RALGAPA1: variants seen among roughly 807,000 people sequenced by gnomAD.
RALGAPA1 encodes ral GTPase-activating protein subunit alpha-1.
RALGAPA1 carries 52 observed loss-of-function variants against 269.6 expected under a neutral mutation model. The ratio of observed to expected loss-of-function variants is 0.19; its 90% CI spans 0.15 to 0.24. The LOEUF (loss-of-function observed/expected upper bound fraction) is 0.24, where lower values mean the gene tolerates loss of function less well. RALGAPA1 is among the 10% of genes least tolerant of loss of function. The pLI, the probability that RALGAPA1 is intolerant of heterozygous loss-of-function variation, is 1.00. For missense variants in RALGAPA1, 1,917 were observed against 3,013.9 expected (o/e 0.64, Z 8.52); for synonymous variants, 817 against 1,008.3 (o/e 0.81, Z 3.60).
In RALGAPA1 at chr14:35,569,865, G is replaced by C. The variant is rs777797071; in HGVS notation, c.7496+752C>G. The stretch of plus-strand genomic sequence containing the variant: ...TGAATACAGTATGTTTCCCCAACTA[G>C]ATTGAATTATTTGCAATGACTATTT... On this transcript the variant is annotated intron_variant, in intron 39 of 41. Transcript: ENST00000680220. Among the ~76,000 whole-genome samples the C allele has an allele frequency of 1.5e-4, 23 of 152,078 alleles. 1 individual carries two copies. The highest frequency in any genetic ancestry group is 2.9e-4 in the Non-Finnish European group (20 of 68,016).
chr14:35,762,198 A>G (rs757423533), intron 5 of RALGAPA1, among the ~76,000 whole-genome samples: 3 of 151,958 alleles, frequency 2.0e-5, no homozygotes, highest in Admixed American at 1.3e-4. Flanking sequence ...AGTTTTTTCA[A>G]TGTCCCCAGT....
chr14:35,672,761 G>A lies in RALGAPA1; in HGVS notation c.5073+106C>T, dbSNP rs574073107. The A allele has an allele frequency of 1.3e-4, 137 of 1,047,496 alleles. No individual in the cohort carries two copies. The African/African-American group carries it at 2.1e-3, about 16-fold the overall frequency. 64.9% of individuals were successfully genotyped at this position (1,047,496 alleles called of 1,614,324 possible). On this transcript the variant is annotated intron_variant, in intron 25 of 41. Coordinates refer to ENST00000680220, the MANE Select transcript of RALGAPA1 (RefSeq NM_001346249.2). Reference sequence around the variant, plus strand: ...TGTATATAAATCACTAAATAAGGGGGAGAGTTTAACTTCTAGACCTTAAAA... The same window carrying A: ...TGTATATAAATCACTAAATAAGGGGAAGAGTTTAACTTCTAGACCTTAAAA...
At chr14:35,570,202 G>A (rs1282702615) in intron 39 of RALGAPA1, among the ~76,000 whole-genome samples, 2 of 151,760 alleles carry the variant, frequency 1.3e-5, no homozygotes, top group East Asian at 1.9e-4. Flanking sequence ...CCCCAGAGTC[G>A]GAGGTTGCAG....
intron 1 of RALGAPA1, among the ~76,000 whole-genome samples, chr14:35,793,687 CTGAAAGCT>C (rs974376767): frequency 3.3e-5 from 5 of 152,268 alleles, no homozygotes; most frequent in African/African-American, 1.2e-4. Flanking sequence ...TTCTAAGATA[CTGAAAGCT>C]TGTAACCCAA....
chr14:35,624,626 G>A (rs2060876453), intron 35 of RALGAPA1, among the ~76,000 whole-genome samples: 1 of 152,088 alleles, frequency 6.6e-6, no homozygotes, highest in African/African-American at 2.4e-5. Flanking sequence ...CAAACTGAAG[G>A]TGAGCAAGAA....
intron 4 of RALGAPA1, among the ~76,000 whole-genome samples, chr14:35,770,022 G>A (rs2074496351): frequency 6.6e-6 from 1 of 152,050 alleles, no homozygotes; most frequent in African/African-American, 2.4e-5. Context: ...AAACAGAGAG[G>A]CAAACTGAAG....
chr14:35,601,511 T>C (rs1201876197), intron 36 of RALGAPA1, among the ~76,000 whole-genome samples: 1 of 152,154 alleles, frequency 6.6e-6, no homozygotes, highest in Non-Finnish European at 1.5e-5. Flanking sequence ...AGTGCAGTTA[T>C]TATCTAAATG....
At position 35,673,032 on chromosome 14, in the gene RALGAPA1, A is replaced by G. The variant is rs769519074; in HGVS notation, c.4918-10T>C. 2.1e-6 allele frequency: 3 copies of G among 1,450,808 alleles called. No homozygotes were observed. The highest frequency in any genetic ancestry group is 2.7e-6 in the Non-Finnish European group (3 of 1,095,038). 89.9% of individuals were successfully genotyped at this position (1,450,808 alleles called of 1,614,324 possible). A position where few individuals can be genotyped will look rare whatever the true frequency, so the allele number is the denominator to read the frequency against. On this transcript the variant is annotated splice_polypyrimidine_tract_variant and intron_variant, in intron 24 of 41. Transcript: ENST00000680220. Reference sequence around the variant, plus strand: ...CAGTCAACATGGTTGCCTAAAATTAAAAGATCAGTTTTAATGTTCAAAAAG... The same window carrying G: ...CAGTCAACATGGTTGCCTAAAATTAGAAGATCAGTTTTAATGTTCAAAAAG...
intron 19 of RALGAPA1, among the ~76,000 whole-genome samples, chr14:35,685,496 C>G (rs2065843413): frequency 1.3e-5 from 2 of 151,710 alleles, no homozygotes; most frequent in South Asian, 4.2e-4. Context: ...GCAAAGATGT[C>G]ATTCAATGAT....
intron 16 of RALGAPA1, among the ~76,000 whole-genome samples, chr14:35,710,826 A>G (rs908907454): frequency 6.6e-6 from 1 of 152,176 alleles, no homozygotes; most frequent in Non-Finnish European, 1.5e-5. Flanking sequence ...CCATTGTATT[A>G]TAATTGCCTA....
intron 39 of RALGAPA1, among the ~76,000 whole-genome samples, chr14:35,550,400 T>C (rs573488589): frequency 1.3e-5 from 2 of 152,272 alleles, no homozygotes; most frequent in South Asian, 2.1e-4. Context: ...ACTGAATTTT[T>C]CCCCAAAGTC....
chr14:35,723,375 G>T (rs954928503), intron 14 of RALGAPA1, 111 bp from the exon 15 acceptor site: 2 of 599,002 alleles, frequency 3.3e-6, no homozygotes, highest in African/African-American at 3.8e-5. Context: ...ATTTAAAATC[G>T]CATGCTTTTT....
chr14:35,758,159 C>T (rs1469653301), intron 6 of RALGAPA1, among the ~76,000 whole-genome samples: 3 of 144,148 alleles, frequency 2.1e-5, no homozygotes, highest in African/African-American at 2.6e-5. Flanking sequence ...GCACGAGAAT[C>T]GCTTGAACTG....
intron 31 of RALGAPA1, among the ~76,000 whole-genome samples, chr14:35,643,883 C>T (rs1339191042): frequency 6.6e-6 from 1 of 152,014 alleles, no homozygotes; most frequent in East Asian, 1.9e-4. Context: ...TTACCAGAGA[C>T]TGGGAAGGGC....
Position 35,627,496 on chromosome 14 carries a change from T to C in RALGAPA1, c.6451A>G (p.Asn2151Asp). 6.2e-7 allele frequency: 1 copy of C among 1,611,584 alleles called. No individual in the cohort carries two copies. Among genetic ancestry groups the C allele is most frequent in the Non-Finnish European group, 8.5e-7 (1 of 1,179,384 alleles). ...QEKPEEPPTS[N>D]ECLEDITVKD... is the part of the protein sequence containing the mutation. The stretch of plus-strand genomic sequence containing the variant: ...ACGGTTATATCTTCTAAGCATTCAT[T>C]AGATGTCGGAGGCTCTTCTGGCTTC... Residue 2151 changes from asparagine (N) to aspartate (D), a missense_variant, in exon 34 of 42, where the codon AAT (asparagine) becomes GAT (aspartate). This residue lies in a region of RALGAPA1 where 346 missense variants were observed against 566.1 expected (regional missense o/e 0.61). Transcript: ENST00000680220.
intron 1 of RALGAPA1, among the ~76,000 whole-genome samples, chr14:35,807,072 A>T (rs549861379): frequency 2.0e-5 from 3 of 152,352 alleles, no homozygotes; most frequent in Admixed American, 6.5e-5. Flanking sequence ...GTATATATAA[A>T]TAATTCCTTA....
At chr14:35,751,037 T>G (rs754918436) in intron 8 of RALGAPA1, among the ~76,000 whole-genome samples, 1 of 152,176 alleles carries the variant, frequency 6.6e-6, no homozygotes, top group Non-Finnish European at 1.5e-5. Context: ...TCATACAAAA[T>G]ATGAGGTTTT....
At chr14:35,779,851 C>T (rs1768018137) in intron 1 of RALGAPA1, among the ~76,000 whole-genome samples, 1 of 152,138 alleles carries the variant, frequency 6.6e-6, no homozygotes, top group African/African-American at 2.4e-5. Context: ...AGGCTGGGCG[C>T]AGTGGCTCAC....
chr14:35,683,533 A>ATGT lies in RALGAPA1; in HGVS notation c.4471+275_4471+276insACA, dbSNP rs879343875. The ATGT allele has an allele frequency of 6.0e-3, 1,516 of 250,608 alleles. 7 individuals carry two copies. Among genetic ancestry groups the ATGT allele is most frequent in the Non-Finnish European group, 9.8e-3 (1,277 of 130,908 alleles). The allele number at this position is 250,608 out of a possible 1,614,324, so 15.5% of individuals were successfully genotyped here. A position where few individuals can be genotyped will look rare whatever the true frequency, so the allele number is the denominator to read the frequency against. On this transcript the variant is annotated intron_variant, in intron 21 of 41. Transcript: ENST00000680220. ...TATACATCTATTATGTTCCCATTAAAATTTTTTTTTAATCCTGCAGAAAAT... is the reference window on the plus strand; with the variant it reads ...TATACATCTATTATGTTCCCATTAAATGTATTTTTTTTTAATCCTGCAGAAAAT...
Sources: allele counts gnomAD v4.1 joint callset (sites outside exome capture counted in the v4.1 genomes callset), GRCh38; gene constraint gnomAD v4.1.1; regional missense constraint gnomAD v4.1.1; transcripts MANE v1.5; gene names NCBI Gene and HGNC (gene_info 2026-07-23, HGNC 2026-07-21).